Variants in NALCN observed in about 807,000 individuals in gnomAD.
NALCN encodes the protein sodium leak channel, non-selective.
In NALCN, 111 loss-of-function variants were observed where a neutral mutation model predicts 225.3. The ratio of observed to expected loss-of-function variants is 0.49; its 90% CI spans 0.42 to 0.58. The LOEUF (loss-of-function observed/expected upper bound fraction) is 0.58, where lower values mean the gene tolerates loss of function less well. NALCN is among the 20% of genes least tolerant of loss of function. The probability of loss-of-function intolerance (pLI) is 0.00; values close to 1 mark genes in which losing one functional copy is unlikely to be tolerated. For missense variants in NALCN, 1,378 were observed against 2,202.4 expected, an observed-to-expected ratio of 0.63 and a Z score of 7.49; for synonymous variants, 764 against 769.0, an observed-to-expected ratio of 0.99 and a Z score of 0.11.
At chr13:101,118,185 G>A (rs1163657675) in intron 18 of NALCN, among the ~76,000 whole-genome samples, 1 of 151,978 alleles carries the variant, frequency 6.6e-6, no homozygotes, top group Non-Finnish European at 1.5e-5. Context: ...GGGGCAGAAG[G>A]TACATGGGAA....
chr13:101,111,207 T>A lies in NALCN; in HGVS notation c.2212A>T (p.Met738Leu), dbSNP rs776022751. The A allele has an allele frequency of 1.9e-6, 3 of 1,599,806 alleles. No individual in the cohort carries two copies. In the Admixed American group the frequency reaches 5.0e-5, roughly 27 times the overall value. The change falls in exon 19 of 44, where the codon ATG becomes TTG. Residue 738 changes from methionine (M) to leucine (L), a missense_variant. This residue lies in a region of NALCN where 66 missense variants were observed against 85.7 expected (regional missense o/e 0.77). Coordinates refer to ENST00000251127, the MANE Select transcript of NALCN (RefSeq NM_052867.4). ...KILRACTRQR[M>L]LSGSFEGQPA... is the part of the protein sequence containing the mutation. The stretch of plus-strand genomic sequence containing the variant: ...TGCCCCTCAAATGATCCGCTCAGCA[T>A]GCGCTGTCGGGTGCAAGCTCTAGGA...
intron 13 of NALCN, among the ~76,000 whole-genome samples, chr13:101,220,763 G>C (rs2040906359): frequency 6.6e-6 from 1 of 152,044 alleles, no homozygotes; most frequent in South Asian, 2.1e-4. Flanking sequence ...AGTATAGAGG[G>C]GCTAAGTCAG....
chr13:101,379,014 G>A (rs894469069), intron 3 of NALCN, among the ~76,000 whole-genome samples: 1 of 152,108 alleles, frequency 6.6e-6, no homozygotes, highest in Non-Finnish European at 1.5e-5. Flanking sequence ...AGAGTGCACT[G>A]TGGTCAACAG....
Position 101,335,277 on chromosome 13 carries a change from T to C in NALCN, c.799+9989A>G, listed in dbSNP as rs138058197. Among the ~76,000 whole-genome samples the C allele has an allele frequency of 8.1e-4, 123 of 152,290 alleles. No homozygotes were observed. In the East Asian group the frequency reaches 0.021, roughly 26 times the overall value. ...TTCTGCCTTTAAACTCCTTTCTTCC[T>C]AACATTCTGAAGAATATCTGGACAC... On this transcript the variant is annotated intron_variant, in intron 7 of 43. Coordinates refer to ENST00000251127, the MANE Select transcript of NALCN (RefSeq NM_052867.4).
intron 3 of NALCN, among the ~76,000 whole-genome samples, chr13:101,393,364 C>G (rs1314320371): frequency 6.6e-6 from 1 of 152,192 alleles, no homozygotes; most frequent in Non-Finnish European, 1.5e-5. Flanking sequence ...GGTCAAAATA[C>G]AAAGCAGTTC....
chr13:101,191,961 C>A lies in NALCN; in HGVS notation c.1720G>T (p.Val574Leu). The change falls in exon 14 of 44, where the codon GTG becomes TTG. Residue 574 changes from valine (V) to leucine (L), a missense_variant. Physicochemically the swap from Val to Leu is conservative, Grantham distance 32 (BLOSUM62 1). Around this residue, in one of 19 missense-constraint regions of NALCN, gnomAD observed 62 missense variants for 143.6 expected, o/e 0.43. Transcript: ENST00000251127. The part of the protein sequence containing the change: ...LNAVGHMWAP[V>L]VAIYFILYHL... ...TAGAGAATGAAATAGATGGCAACCA[C>A]GGGTGCCCACATATGTCCCACAGCA... The A allele has an allele frequency of 6.2e-7, 1 of 1,609,044 alleles. No homozygotes were observed. Among genetic ancestry groups the A allele is most frequent in the Non-Finnish European group, 8.5e-7 (1 of 1,177,830 alleles).
Position 101,415,208 on chromosome 13 carries a change from C to CAT in NALCN, c.-40+1103_-40+1104dup, listed in dbSNP as rs1030463057. 9.4e-3 allele frequency among the ~76,000 whole-genome samples: 1,009 copies of CAT among 107,774 alleles called. 33 individuals carry two copies. The highest frequency in any genetic ancestry group is 0.014 in the Admixed American group (162 of 11,638). 70.7% of individuals were successfully genotyped at this position (107,774 alleles called of 152,430 possible). ...TAGTTATGAACATACAAATCACACA[C>CAT]ATATATATATATATATACATACATA... On this transcript the variant is annotated intron_variant, in intron 1 of 43. Coordinates refer to ENST00000251127, the MANE Select transcript of NALCN (RefSeq NM_052867.4).
chr13:101,239,079 G>A (rs2041666945), intron 11 of NALCN, among the ~76,000 whole-genome samples: 1 of 151,846 alleles, frequency 6.6e-6, no homozygotes, highest in Admixed American at 6.6e-5. Flanking sequence ...CAAAACACGT[G>A]GATGAACTCC....
At chr13:101,082,393 C>A (rs1337493022) in intron 33 of NALCN, among the ~76,000 whole-genome samples, 1 of 152,048 alleles carries the variant, frequency 6.6e-6, no homozygotes, top group Non-Finnish European at 1.5e-5. Context: ...CAGTGTAGGG[C>A]AAAATAAGAA....
At chr13:101,208,288 C>A (rs2040397363) in intron 13 of NALCN, among the ~76,000 whole-genome samples, 1 of 152,208 alleles carries the variant, frequency 6.6e-6, no homozygotes, top group Admixed American at 6.5e-5. Context: ...TGCAGCTTCA[C>A]TCCTGAGGCC....
rs959947972 is a variant in NALCN at position 101,395,269 on chromosome 13, A to G, written c.205T>C (p.Tyr69His). 6.2e-7 allele frequency: 1 copy of G among 1,614,126 alleles called. No homozygotes were observed. The highest frequency in any genetic ancestry group is 1.7e-5 in the Admixed American group (1 of 60,024). Residue 69 changes from tyrosine (Y) to histidine (H), a missense_variant, in exon 3 of 44, where the codon TAT becomes CAT. By Grantham distance (83) the Tyr-to-His change is moderately conservative (BLOSUM62 2). This residue lies in a region of NALCN where 146 missense variants were observed against 205.9 expected (regional missense o/e 0.71). Transcript: ENST00000251127. Reference protein sequence around the residue: ...MTFEHYPPLQYVTFTLDTLLM... With the variant: ...MTFEHYPPLQHVTFTLDTLLM... The stretch of plus-strand genomic sequence containing the variant: ...AATGTATCCAAAGTGAAGGTCACAT[A>G]CTGAAGTGGAGGATAGTGCTCGAAG...
intron 34 of NALCN, among the ~76,000 whole-genome samples, chr13:101,077,808 T>C (rs2033358020): frequency 6.6e-6 from 1 of 152,080 alleles, no homozygotes; most frequent in Admixed American, 6.5e-5. Flanking sequence ...ATGGGGAAAA[T>C]GTCCCCAAGG....
intron 14 of NALCN, among the ~76,000 whole-genome samples, chr13:101,181,580 A>C (rs2039226987): frequency 1.4e-5 from 2 of 142,546 alleles, no homozygotes; most frequent in Middle Eastern, 3.2e-3. Context: ...AAAAAAAAAA[A>C]AAACAAAAAT....
chr13:101,143,683 C>T (rs148527967), intron 16 of NALCN, among the ~76,000 whole-genome samples: 3,018 of 152,240 alleles, frequency 0.02, 115 homozygotes, highest in African/African-American at 0.07. Flanking sequence ...AGGCTGGTCT[C>T]GAACTCCCGA....
intron 6 of NALCN, among the ~76,000 whole-genome samples, chr13:101,373,805 C>CA (rs765208473): frequency 3.5e-4 from 53 of 152,002 alleles, no homozygotes; most frequent in Non-Finnish European, 7.4e-4. Context: ...AAGAAATATA[C>CA]AAGTTAATTT....
intron 7 of NALCN, among the ~76,000 whole-genome samples, chr13:101,316,145 T>TA (rs749983509): frequency 7.2e-5 from 11 of 152,256 alleles, no homozygotes; most frequent in Middle Eastern, 3.4e-3. Context: ...AATCCACTCT[T>TA]AAAGTGTACA....
chr13:101,410,542 T>G (rs1300545702), intron 1 of NALCN, among the ~76,000 whole-genome samples: 1 of 152,266 alleles, frequency 6.6e-6, no homozygotes, highest in Admixed American at 6.5e-5. Context: ...ATACAGGAAT[T>G]AAATTTTTGT....
chr13:101,264,555 C>T (rs1369878060), intron 10 of NALCN, among the ~76,000 whole-genome samples: 1 of 152,256 alleles, frequency 6.6e-6, no homozygotes, highest in Non-Finnish European at 1.5e-5. Context: ...CAGGCCCCAT[C>T]CCAGGCCTAC....
At chr13:101,125,653 G>A (rs1042530740) in intron 17 of NALCN, among the ~76,000 whole-genome samples, 2 of 152,178 alleles carry the variant, frequency 1.3e-5, no homozygotes, top group East Asian at 1.9e-4. Context: ...TAGATGATAC[G>A]TAAAGGAGAA....
Sources: gnomAD v4.1 joint callset for allele counts (sites outside exome capture counted in the v4.1 genomes callset) on GRCh38, gnomAD v4.1.1 for gene constraint, gnomAD v4.1.1 regional missense constraint, MANE v1.5 for transcripts, NCBI Gene and HGNC (gene_info 2026-07-23, HGNC 2026-07-21) for gene names.